The following WDR33 variants were observed in gnomAD, a reference collection of about 807,000 sequenced individuals.
WDR33 encodes the protein pre-mRNA 3' end processing protein WDR33.
In WDR33, 47 loss-of-function variants were observed where a neutral mutation model predicts 164.9. The observed-to-expected ratio is 0.29, with a 90% CI of 0.23 to 0.36. WDR33 has a LOEUF of 0.36. Among genes scored for constraint, WDR33 ranks in the 10% least tolerant of loss-of-function variants. The pLI, the probability that WDR33 is intolerant of heterozygous loss-of-function variation, is 1.00. For missense variants in WDR33, 1,137 were observed against 1,754.1 expected, an observed-to-expected ratio of 0.65 and a Z score of 6.28; for synonymous variants, 505 against 589.0, an observed-to-expected ratio of 0.86 and a Z score of 2.06.
At chr2:127,797,869 C>A (rs552934418) in intron 1 of WDR33, among the ~76,000 whole-genome samples, 4 of 151,780 alleles carry the variant, frequency 2.6e-5, no homozygotes, top group African/African-American at 9.7e-5. Flanking sequence ...AAAACTTAGC[C>A]GGGCATGGTG....
chr2:127,756,386 A>G (rs544053777), intron 7 of WDR33, among the ~76,000 whole-genome samples: 7 of 152,088 alleles, frequency 4.6e-5, no homozygotes, highest in African/African-American at 1.7e-4. Flanking sequence ...ATGAAAAAAA[A>G]AAACCAAACC....
At position 127,737,990 on chromosome 2, in the gene WDR33, T is replaced by A. The variant is rs1558930811; in HGVS notation, c.725-11213A>T. 1.9e-6 allele frequency: 3 copies of A among 1,611,288 alleles called. No homozygotes were observed. The South Asian group carries it at 3.3e-5, about 18-fold the overall frequency. On this transcript the variant is annotated intron_variant, in intron 7 of 21. Coordinates refer to ENST00000322313, the MANE Select transcript of WDR33 (RefSeq NM_018383.5). ...GGTAAATGTGGCTCCCTAAACTTTGTCCACCTACTGTTATTCACCTCTTGA... is the reference window on the plus strand; with the variant it reads ...GGTAAATGTGGCTCCCTAAACTTTGACCACCTACTGTTATTCACCTCTTGA...
rs1188352457 is a variant in WDR33, at chr2:127,706,632, C to T, written c.3782-80G>A. 7.5e-7 allele frequency: 1 copy of T among 1,334,658 alleles called. No individual in the cohort carries two copies. The highest frequency in any genetic ancestry group is 1.5e-5 in the African/African-American group (1 of 68,504). 82.7% of individuals were successfully genotyped at this position (1,334,658 alleles called of 1,614,324 possible). On this transcript the variant is annotated intron_variant, in intron 21 of 21. Transcript: ENST00000322313. The surrounding 1 kb of genome is among the most constrained non-coding windows in gnomAD (Gnocchi z 5.1). ...TAACTCCCAGTACAAACTTTACTCT[C>T]TGATGACAATGGACCAGTTCTGGTG...
At chr2:127,751,446 AC>A (rs1300386334) in intron 7 of WDR33, among the ~76,000 whole-genome samples, 1 of 148,724 alleles carries the variant, frequency 6.7e-6, no homozygotes, top group African/African-American at 2.5e-5. Context: ...AAAAAAAAAA[AC>A]AGGTTGGGCA....
Position 127,701,556 on chromosome 2 carries a change from G to T in WDR33, c.*4767C>A. ...GGCGGACCTCCACCGCCAGCTGCAG[G>T]AGTACCTGGCGCAGGGGAAAGCTGG... On this transcript the variant is annotated 3_prime_UTR_variant, in exon 22 of 22. Transcript: ENST00000322313. The T allele has an allele frequency of 7.3e-7, 1 of 1,368,494 alleles. No homozygotes were observed. Among genetic ancestry groups the T allele is most frequent in the Non-Finnish European group, 9.4e-7 (1 of 1,059,880 alleles). The allele number at this position is 1,368,494 out of a possible 1,614,324, so 84.8% of individuals were successfully genotyped here. A position where few individuals can be genotyped will look rare whatever the true frequency, so the allele number is the denominator to read the frequency against.
At chr2:127,806,684 C>T (rs1689452984) in intron 1 of WDR33, among the ~76,000 whole-genome samples, 1 of 150,594 alleles carries the variant, frequency 6.6e-6, no homozygotes, top group Admixed American at 6.6e-5. Flanking sequence ...TAGAACTACA[C>T]CAACTCATTC....
Position 127,720,739 on chromosome 2 carries a change from T to C in WDR33, c.1672-386A>G, listed in dbSNP as rs1686418758. 6.6e-6 allele frequency among the ~76,000 whole-genome samples: 1 copy of C among 152,146 alleles called. No individual in the cohort carries two copies. The highest frequency in any genetic ancestry group is 2.1e-4 in the South Asian group (1 of 4,820). On this transcript the variant is annotated intron_variant, in intron 15 of 21. Transcript: ENST00000322313. The surrounding 1 kb of genome is among the most constrained non-coding windows in gnomAD (Gnocchi z 5.9). ...GCCACCACACCCAGCTAATTATTAT[T>C]TGTAGAGACAGGGTCTTGCTATATT...
chr2:127,782,223 A>G (rs1401336467), intron 1 of WDR33, among the ~76,000 whole-genome samples: 1 of 152,094 alleles, frequency 6.6e-6, no homozygotes. Context: ...CCTGACCAAC[A>G]TGGTGACACC....
chr2:127,775,285 T>C (rs1202715517), intron 1 of WDR33, among the ~76,000 whole-genome samples: 1 of 152,086 alleles, frequency 6.6e-6, no homozygotes, highest in Non-Finnish European at 1.5e-5. Flanking sequence ...GCCTCCCAGG[T>C]TCAAGCAATT....
chr2:127,797,349 G>A (rs1215482536), intron 1 of WDR33, among the ~76,000 whole-genome samples: 2 of 151,952 alleles, frequency 1.3e-5, no homozygotes, highest in Non-Finnish European at 2.9e-5. Flanking sequence ...AAAATTAGCT[G>A]GGCGTGGTGG....
chr2:127,744,291 G>C (rs566779653), intron 7 of WDR33, among the ~76,000 whole-genome samples: 2 of 152,190 alleles, frequency 1.3e-5, no homozygotes, highest in African/African-American at 4.8e-5. Context: ...CAAATATAAA[G>C]GTATTAGGAA....
intron 1 of WDR33, among the ~76,000 whole-genome samples, chr2:127,789,711 A>T (rs1688776755): frequency 6.6e-6 from 1 of 151,574 alleles, no homozygotes; most frequent in Admixed American, 6.6e-5. Flanking sequence ...TTCTTGCCTT[A>T]TTGTACTGTT....
rs913991344 is a variant in WDR33 at position 127,702,266 on chromosome 2, C to T, written c.*4057G>A. Reference sequence around the variant, plus strand: ...GAGCTGAGGACTGCACGCCGCTGTGCGGAAGCCCGTGGCGAAGGCCCTGCC... The same window carrying T: ...GAGCTGAGGACTGCACGCCGCTGTGTGGAAGCCCGTGGCGAAGGCCCTGCC... On this transcript the variant is annotated 3_prime_UTR_variant, in exon 22 of 22. Coordinates refer to ENST00000322313, the MANE Select transcript of WDR33 (RefSeq NM_018383.5). 6.2e-6 allele frequency: 7 copies of T among 1,131,206 alleles called. No individual in the cohort carries two copies. The African/African-American group carries it at 6.6e-5, about 11-fold the overall frequency. 70.1% of individuals were successfully genotyped at this position (1,131,206 alleles called of 1,614,324 possible).
intron 1 of WDR33, among the ~76,000 whole-genome samples, chr2:127,786,325 G>A (rs900341746): frequency 6.6e-6 from 1 of 152,202 alleles, no homozygotes; most frequent in African/African-American, 2.4e-5. Context: ...ATGAGCCACA[G>A]TGCCCAGCCG....
At chr2:127,810,692 C>T (rs1199524224) in intron 1 of WDR33, 1 of 152,322 alleles carries the variant, frequency 6.6e-6, no homozygotes, top group Non-Finnish European at 1.5e-5. Context: ...CCGCCCCAAA[C>T]CTCAGTTAAA....
At position 127,780,194 on chromosome 2, in the gene WDR33, C is replaced by T. The variant is rs182255538; in HGVS notation, c.-23-9190G>A. On this transcript the variant is annotated intron_variant, in intron 1 of 21. Transcript: ENST00000322313. Reference sequence around the variant, plus strand: ...TTCACCGTGTTAGCCAGGATGGTCTCGATCTCCTGACCTCGTGATCCGCCC... The same window carrying T: ...TTCACCGTGTTAGCCAGGATGGTCTTGATCTCCTGACCTCGTGATCCGCCC... Among the ~76,000 whole-genome samples the T allele has an allele frequency of 7.0e-3, 1,067 of 152,150 alleles. 10 individuals carry two copies. Among genetic ancestry groups the T allele is most frequent in the African/African-American group, 0.024 (1,016 of 41,526 alleles).
At chr2:127,765,010 G>C (rs1244873001) in intron 5 of WDR33, 31 bp from the exon 6 acceptor site, 1 of 1,607,780 alleles carries the variant, frequency 6.2e-7, no homozygotes, top group Non-Finnish European at 8.5e-7. Context: ...AATTAGTAAG[G>C]TGCTGCTTCA....
At chr2:127,772,159 G>C (rs904589235) in intron 1 of WDR33, among the ~76,000 whole-genome samples, 5 of 151,952 alleles carry the variant, frequency 3.3e-5, no homozygotes, top group Non-Finnish European at 5.9e-5. Context: ...TTTCACAGCT[G>C]GGCGCAGTGG....
At chr2:127,804,291 A>T (rs1689358896) in intron 1 of WDR33, among the ~76,000 whole-genome samples, 1 of 152,180 alleles carries the variant, frequency 6.6e-6, no homozygotes, top group African/African-American at 2.4e-5. Flanking sequence ...AGCCTGGGAG[A>T]CAGAGCGAGA....
Sources: allele counts gnomAD v4.1 joint callset (sites outside exome capture counted in the v4.1 genomes callset), GRCh38; gene constraint gnomAD v4.1.1; non-coding constraint Gnocchi (gnomAD v3.1); transcripts MANE v1.5; gene names NCBI Gene and HGNC (gene_info 2026-07-23, HGNC 2026-07-21).